The following GALNT5 variants were observed in gnomAD, a reference collection of about 807,000 sequenced individuals.
GALNT5 encodes the protein polypeptide N-acetylgalactosaminyltransferase 5, also known as UDP-GalNAc:polypeptide N-acetylgalactosaminyltransferase 5.
GALNT5 carries 72 observed loss-of-function variants against 85.4 expected under a neutral mutation model. The observed-to-expected ratio is 0.84, with a 90% CI of 0.70 to 1.03. GALNT5 has a LOEUF of 1.03. GALNT5 is among the 50% of genes least tolerant of loss of function. The pLI, the probability that GALNT5 is intolerant of heterozygous loss-of-function variation, is 0.00. For synonymous variants in GALNT5, 404 were observed against 397.0 expected (o/e 1.02, Z -0.21); for missense variants, 1,137 against 1,135.5 (o/e 1.00, Z -0.02).
At chr2:157,294,341 C>G (rs1311789458) in intron 3 of GALNT5, among the ~76,000 whole-genome samples, 1 of 152,114 alleles carries the variant, frequency 6.6e-6, no homozygotes, top group Non-Finnish European at 1.5e-5. Context: ...ACTGCCTGCC[C>G]AAGGAACCCA....
At chr2:157,283,882 CAGAGA>C (rs1682908511) in intron 1 of GALNT5, among the ~76,000 whole-genome samples, 1 of 152,088 alleles carries the variant, frequency 6.6e-6, no homozygotes, top group South Asian at 2.1e-4. Flanking sequence ...AACTGAGGCA[CAGAGA>C]AGTTAAAGAA....
intron 1 of GALNT5, among the ~76,000 whole-genome samples, chr2:157,269,888 G>A (rs1682544199): frequency 6.6e-6 from 1 of 151,858 alleles, no homozygotes; most frequent in African/African-American, 2.4e-5. Context: ...CAACTCTCAG[G>A]ACTTCACAGC....
Position 157,259,493 on chromosome 2 carries a change from T to C in GALNT5, c.1411T>C (p.Leu471=), listed in dbSNP as rs1682290602. The change falls in exon 1 of 10, where the codon TTG becomes CTG. Residue 471 remains leucine (L), a synonymous_variant. Coordinates refer to ENST00000259056, the MANE Select transcript of GALNT5 (RefSeq NM_014568.3). The part of the protein sequence containing the change: ...EGNFNVYLSD[L]IPVDRAIEDT... The stretch of plus-strand genomic sequence containing the variant: ...AAACTTCAATGTCTACCTTAGCGAT[T>C]TGATCCCAGTGGATAGAGCCATTGA... The C allele has an allele frequency of 2.7e-5, 38 of 1,431,778 alleles. No homozygotes were observed. The highest frequency in any genetic ancestry group is 2.4e-4 in the East Asian group (10 of 41,380). The allele number at this position is 1,431,778 out of a possible 1,614,324, so 88.7% of individuals were successfully genotyped here. A position where few individuals can be genotyped will look rare whatever the true frequency, so the allele number is the denominator to read the frequency against.
At chr2:157,261,210 G>T (rs1470452830) in intron 1 of GALNT5, among the ~76,000 whole-genome samples, 1 of 151,992 alleles carries the variant, frequency 6.6e-6, no homozygotes, top group East Asian at 1.9e-4. Flanking sequence ...GGCTGCTAGG[G>T]AGTCTGGGGA....
rs535380585 is a variant in GALNT5 at position 157,262,819 on chromosome 2, C to CTT, written c.1454+3309_1454+3310dup. Among the ~76,000 whole-genome samples, 99 of 100,952 alleles carry CTT rather than the reference C, an allele frequency of 9.8e-4. 3 individuals are homozygous for CTT. The highest frequency in any genetic ancestry group is 1.3e-3 in the African/African-American group (28 of 21,120). 66.2% of individuals were successfully genotyped at this position (100,952 alleles called of 152,430 possible). A position where few individuals can be genotyped will look rare whatever the true frequency, so the allele number is the denominator to read the frequency against. On this transcript the variant is annotated intron_variant, in intron 1 of 9. Coordinates refer to ENST00000259056, the MANE Select transcript of GALNT5 (RefSeq NM_014568.3). ...AATGTTAAGATTCAATTTCACAACT[C>CTT]TTTTTTTTTTTTTTTTTTTTTTTTT... is the stretch of plus-strand genomic sequence containing the variant.
At chr2:157,293,203 A>G (rs1314094191) in intron 3 of GALNT5, among the ~76,000 whole-genome samples, 1 of 152,228 alleles carries the variant, frequency 6.6e-6, no homozygotes, top group African/African-American at 2.4e-5. Context: ...TAGATCATTT[A>G]TAAATAGCAT....
Position 157,311,444 on chromosome 2 carries a change from C to T in GALNT5, c.*96C>T, listed in dbSNP as rs1192509072. ...ATTTCTCAGCGGTAGTTTAAATTTT[C>T]AATTTTAATAACATTTGAATGGAAG... On this transcript the variant is annotated 3_prime_UTR_variant, in exon 10 of 10. Coordinates refer to ENST00000259056, the MANE Select transcript of GALNT5 (RefSeq NM_014568.3). The T allele has an allele frequency of 7.6e-6, 6 of 789,982 alleles. No individual in the cohort carries two copies. The highest frequency in any genetic ancestry group is 5.5e-5 in the African/African-American group (3 of 54,498). 48.9% of individuals were successfully genotyped at this position (789,982 alleles called of 1,614,324 possible).
intron 1 of GALNT5, among the ~76,000 whole-genome samples, chr2:157,283,613 C>A (rs1682902753): frequency 6.6e-6 from 1 of 152,230 alleles, no homozygotes; most frequent in Middle Eastern, 3.4e-3. Flanking sequence ...TAAGTACATA[C>A]ACAAGCAGAA....
intron 1 of GALNT5, among the ~76,000 whole-genome samples, chr2:157,263,183 G>C (rs548477947): frequency 6.7e-6 from 1 of 148,812 alleles, no homozygotes; most frequent in Admixed American, 6.6e-5. Context: ...TACTCACACT[G>C]TCCTTTTCTG....
chr2:157,292,321 A>G lies in GALNT5; in HGVS notation c.1742-3342A>G, dbSNP rs116375274. Among the ~76,000 whole-genome samples, 1,389 of 152,354 alleles carry G rather than the reference A, an allele frequency of 9.1e-3. 19 individuals carry two copies. Among genetic ancestry groups the G allele is most frequent in the African/African-American group, 0.031 (1,309 of 41,576 alleles). On this transcript the variant is annotated intron_variant, in intron 3 of 9. Coordinates refer to ENST00000259056, the MANE Select transcript of GALNT5 (RefSeq NM_014568.3). The stretch of plus-strand genomic sequence containing the variant: ...TCAGAAATCCCACCAAGAGTCAGCT[A>G]CGCAGAGAGCTCCCTGTTTTCTCAC...
At position 157,315,674 on chromosome 2, in the gene GALNT5, C is replaced by T. The variant is rs1422837868; in HGVS notation, c.*4326C>T. Among the ~76,000 whole-genome samples the T allele has an allele frequency of 6.6e-6, 1 of 152,118 alleles. No individual in the cohort carries two copies. Among genetic ancestry groups the T allele is most frequent in the East Asian group, 1.9e-4 (1 of 5,196 alleles). ...CTATCTCTTTGACTTCATGCAGAACCTATTCTTTTTCATCTCCTGGACCAA... is the reference window on the plus strand; with the variant it reads ...CTATCTCTTTGACTTCATGCAGAACTTATTCTTTTTCATCTCCTGGACCAA... On this transcript the variant is annotated 3_prime_UTR_variant, in exon 10 of 10. Transcript: ENST00000259056.
chr2:157,299,610 C>T lies in GALNT5; in HGVS notation c.2060C>T (p.Thr687Ile), dbSNP rs945161536. 3 of 1,613,404 alleles carry T rather than the reference C, an allele frequency of 1.9e-6. No homozygotes were observed. The highest frequency in any genetic ancestry group is 2.5e-6 in the Non-Finnish European group (3 of 1,179,358). ...IDKSYFFELG[T>I]YDPGLDVWGG... ...AAAAGTTACTTTTTTGAACTTGGAA[C>T]ATACGACCCTGGCCTTGATGTTTGG... Residue 687 changes from threonine to isoleucine, a missense_variant, in exon 6 of 10, where the codon ACA (threonine) becomes ATA (isoleucine). Coordinates refer to ENST00000259056, the MANE Select transcript of GALNT5 (RefSeq NM_014568.3).
Position 157,310,426 on chromosome 2 carries a change from G to A in GALNT5, c.2683-782G>A, listed in dbSNP as rs77954616. Among the ~76,000 whole-genome samples, 1,234 of 152,194 alleles carry A rather than the reference G, an allele frequency of 8.1e-3. 21 individuals carry two copies. Among genetic ancestry groups the A allele is most frequent in the African/African-American group, 0.027 (1,136 of 41,520 alleles). The stretch of plus-strand genomic sequence containing the variant: ...AAATCCTTGACAATACTCAAGCATC[G>A]TATTTCCAAAATCCTGCAAGGGTGA... On this transcript the variant is annotated intron_variant, in intron 9 of 9. Coordinates refer to ENST00000259056, the MANE Select transcript of GALNT5 (RefSeq NM_014568.3).
chr2:157,303,777 T>C (rs1318478406), intron 7 of GALNT5, among the ~76,000 whole-genome samples: 2 of 152,228 alleles, frequency 1.3e-5, no homozygotes, highest in African/African-American at 4.8e-5. Context: ...AGAAAAGTTT[T>C]ATCTTTCCTT....
chr2:157,272,215 G>A (rs913249427), intron 1 of GALNT5, among the ~76,000 whole-genome samples: 1 of 151,818 alleles, frequency 6.6e-6, no homozygotes, highest in Admixed American at 6.6e-5. Flanking sequence ...TCATAAATAT[G>A]ATTCTGTCCA....
At chr2:157,291,631 C>T (rs1683101694) in intron 3 of GALNT5, among the ~76,000 whole-genome samples, 1 of 63,258 alleles carries the variant, frequency 1.6e-5, no homozygotes, top group African/African-American at 4.2e-5. Context: ...ATGTTACCAC[C>T]CACCCCCCCC....
At chr2:157,294,530 G>A (rs1425594700) in intron 3 of GALNT5, among the ~76,000 whole-genome samples, 1 of 152,158 alleles carries the variant, frequency 6.6e-6, no homozygotes, top group Non-Finnish European at 1.5e-5. Flanking sequence ...ACCTGAGTTA[G>A]GAATGCAGAC....
intron 3 of GALNT5, 57 bp downstream of exon 3, chr2:157,286,191 C>A (rs1381153690): frequency 1.4e-6 from 2 of 1,407,400 alleles, no homozygotes; most frequent in East Asian, 2.4e-5. Flanking sequence ...TAAAATGTTT[C>A]TCAAACATAC....
rs933276435 is a variant in GALNT5 at position 157,312,039 on chromosome 2, C to T, written c.*691C>T. ...TTAATTCTAGGTATGAACACTATTT[C>T]AGTTCATTTTGTGCTTTTAAAACTA... On this transcript the variant is annotated 3_prime_UTR_variant, in exon 10 of 10. Transcript: ENST00000259056. 6 of 152,098 alleles carry T rather than the reference C, an allele frequency of 3.9e-5. No individual in the cohort carries two copies. The highest frequency in any genetic ancestry group is 7.4e-5 in the Non-Finnish European group (5 of 67,994). 9.4% of individuals were successfully genotyped at this position (152,098 alleles called of 1,614,324 possible).
Sources: gnomAD v4.1 joint callset for allele counts (sites outside exome capture counted in the v4.1 genomes callset) on GRCh38, gnomAD v4.1.1 for gene constraint, MANE v1.5 for transcripts, NCBI Gene and HGNC (gene_info 2026-07-23, HGNC 2026-07-21) for gene names.